Variants in PTPRD observed in about 807,000 individuals in gnomAD.
PTPRD encodes receptor-type tyrosine-protein phosphatase delta.
In PTPRD, 34 loss-of-function variants were observed where a neutral mutation model predicts 214.5. The observed-to-expected ratio is 0.16, with a 90% CI of 0.12 to 0.21. The LOEUF (loss-of-function observed/expected upper bound fraction) is 0.21, where lower values mean the gene tolerates loss of function less well. Among genes scored for constraint, PTPRD ranks in the 10% least tolerant of loss-of-function variants. PTPRD has a pLI of 1.00. For missense variants in PTPRD, 2,545 were observed against 2,398.7 expected (o/e 1.06, Z -1.27); for synonymous variants, 1,128 against 845.7 (o/e 1.33, Z -5.79).
intron 4 of PTPRD, among the ~76,000 whole-genome samples, chr9:10,006,070 G>C (rs1190573065): frequency 6.6e-6 from 1 of 151,948 alleles, no homozygotes; most frequent in Non-Finnish European, 1.5e-5. Context: ...CAAAAAATGA[G>C]ATGAGAATCA....
intron 11 of PTPRD, among the ~76,000 whole-genome samples, chr9:8,973,643 T>C (rs2099251951): frequency 6.6e-6 from 1 of 152,136 alleles, no homozygotes; most frequent in Non-Finnish European, 1.5e-5. Flanking sequence ...ATCTCCAAAA[T>C]GCTTTCTACA....
intron 12 of PTPRD, among the ~76,000 whole-genome samples, chr9:8,646,746 C>G (rs2096702985): frequency 6.6e-6 from 1 of 152,098 alleles, no homozygotes; most frequent in Admixed American, 6.6e-5. Flanking sequence ...TGTTTTCTCC[C>G]CTTTCACATT....
intron 3 of PTPRD, among the ~76,000 whole-genome samples, chr9:10,224,844 T>C (rs1256109338): frequency 6.6e-6 from 1 of 152,066 alleles, no homozygotes; most frequent in Non-Finnish European, 1.5e-5. Flanking sequence ...AGCTAGTAAA[T>C]ACATTTTCTA....
intron 22 of PTPRD, 98 bp from the exon 23 acceptor site, chr9:8,504,503 A>G (rs1437662795): frequency 7.4e-7 from 1 of 1,344,586 alleles, no homozygotes; most frequent in East Asian, 2.3e-5. Flanking sequence ...CATCAGGATT[A>G]TAATCTCATC....
intron 5 of PTPRD, among the ~76,000 whole-genome samples, chr9:9,886,864 G>A (rs10125740): frequency 0.013 from 1,932 of 152,156 alleles, 28 homozygotes; most frequent in African/African-American, 0.039. Context: ...ACATGGGAAA[G>A]CCTTTAGACT....
intron 11 of PTPRD, among the ~76,000 whole-genome samples, chr9:8,968,234 C>T (rs1037900095): frequency 2.0e-4 from 30 of 152,090 alleles, no homozygotes; most frequent in African/African-American, 6.7e-4. Context: ...TGTGTCTTTA[C>T]AGCAGCATGA....
At chr9:10,091,779 T>C (rs573520295) in intron 3 of PTPRD, among the ~76,000 whole-genome samples, 1 of 151,156 alleles carries the variant, frequency 6.6e-6, no homozygotes, top group East Asian at 2.0e-4. Context: ...AATATGTATC[T>C]CATTTTTCTT....
intron 7 of PTPRD, among the ~76,000 whole-genome samples, chr9:9,693,177 G>A (rs552741891): frequency 6.6e-6 from 1 of 151,244 alleles, no homozygotes; most frequent in Admixed American, 6.6e-5. Context: ...TAGTAAAAGT[G>A]GGCATCCTTG....
At chr9:9,995,412 G>A (rs1055663075) in intron 4 of PTPRD, among the ~76,000 whole-genome samples, 1 of 152,174 alleles carries the variant, frequency 6.6e-6, no homozygotes, top group Non-Finnish European at 1.5e-5. Flanking sequence ...TTCATGAGGT[G>A]TACATGTCCT....
chr9:9,282,915 C>G (rs938135274), intron 9 of PTPRD, among the ~76,000 whole-genome samples: 1 of 151,372 alleles, frequency 6.6e-6, no homozygotes, highest in African/African-American at 2.4e-5. Flanking sequence ...TTATGTGAAC[C>G]TTTCAATATG....
chr9:10,215,709 T>G (rs2099538116), intron 3 of PTPRD, among the ~76,000 whole-genome samples: 1 of 152,034 alleles, frequency 6.6e-6, no homozygotes, highest in South Asian at 2.1e-4. Flanking sequence ...TTCAAAATAG[T>G]GTTATTTGTA....
intron 12 of PTPRD, among the ~76,000 whole-genome samples, chr9:8,666,366 A>T (rs577105975): frequency 1.3e-5 from 2 of 152,294 alleles, no homozygotes; most frequent in South Asian, 4.1e-4. Flanking sequence ...TCTGCTTACT[A>T]TTCTTTCTAT....
intron 11 of PTPRD, among the ~76,000 whole-genome samples, chr9:8,931,258 G>C (rs1311782326): frequency 6.6e-6 from 1 of 151,976 alleles, no homozygotes; most frequent in Admixed American, 6.6e-5. Context: ...GTTTGTCAAA[G>C]ATCAGATAGT....
intron 4 of PTPRD, among the ~76,000 whole-genome samples, chr9:10,003,742 G>T (rs2096394550): frequency 6.6e-6 from 1 of 151,532 alleles, no homozygotes; most frequent in Non-Finnish European, 1.5e-5. Context: ...ACTATTTTAA[G>T]TACTTTATTT....
chr9:8,364,188 T>C (rs776361576), intron 39 of PTPRD, among the ~76,000 whole-genome samples: 33 of 152,172 alleles, frequency 2.2e-4, no homozygotes, highest in Admixed American at 7.9e-4. Flanking sequence ...CAAATCCAAA[T>C]TGAGAAATCT....
At chr9:9,115,327 CA>C (rs2154457983) in intron 10 of PTPRD, among the ~76,000 whole-genome samples, 1 of 152,118 alleles carries the variant, frequency 6.6e-6, no homozygotes, top group South Asian at 2.1e-4. Flanking sequence ...ATGACATGAA[CA>C]GACATTTCTC....
chr9:8,358,731 C>G lies in PTPRD; in HGVS notation c.4662-16753G>C, dbSNP rs2133755287. On this transcript the variant is annotated intron_variant, in intron 39 of 45. Coordinates refer to ENST00000381196, the MANE Select transcript of PTPRD (RefSeq NM_002839.4). Reference sequence around the variant, plus strand: ...AGAGTAGATATGCAACCTTCCTATTCTTGCATAGTTTATTAGACTTCTACT... The same window carrying G: ...AGAGTAGATATGCAACCTTCCTATTGTTGCATAGTTTATTAGACTTCTACT... 1.3e-5 allele frequency among the ~76,000 whole-genome samples: 2 copies of G among 152,162 alleles called. 1 individual carries two copies. Among genetic ancestry groups the G allele is most frequent in the South Asian group, 4.1e-4 (2 of 4,820 alleles).
chr9:9,522,355 T>C (rs1250823906), intron 8 of PTPRD, among the ~76,000 whole-genome samples: 1 of 152,100 alleles, frequency 6.6e-6, no homozygotes, highest in East Asian at 1.9e-4. Flanking sequence ...GGCACATATG[T>C]TGTAGAGGGA....
At chr9:10,174,921 GT>G (rs1243433455) in intron 3 of PTPRD, among the ~76,000 whole-genome samples, 8 of 152,064 alleles carry the variant, frequency 5.3e-5, no homozygotes, top group Non-Finnish European at 7.4e-5. Context: ...ATGGTAATCA[GT>G]AAAATTAGTA....
Sources: allele counts gnomAD v4.1 joint callset (sites outside exome capture counted in the v4.1 genomes callset), GRCh38; gene constraint gnomAD v4.1.1; transcripts MANE v1.5; gene names NCBI Gene and HGNC (gene_info 2026-07-23, HGNC 2026-07-21).